SGSM3: variants seen among roughly 807,000 people sequenced by gnomAD.
SGSM3 encodes the protein small G protein signaling modulator 3.
In SGSM3, 96 loss-of-function variants were observed where a neutral mutation model predicts 100.5. That is an observed-to-expected ratio of 0.96 (90% CI 0.81 to 1.13). The LOEUF (loss-of-function observed/expected upper bound fraction) is 1.13. Among genes scored for constraint, SGSM3 ranks in the 50% most tolerant of loss-of-function variants. SGSM3 has a pLI of 0.00. For synonymous variants in SGSM3, 483 were observed against 422.8 expected (o/e 1.14, Z -1.75); for missense variants, 1,001 against 1,015.8 (o/e 0.99, Z 0.20).
In SGSM3 at chr22:40,408,546, T is replaced by C. The variant is rs570833162; in HGVS notation, c.1783-81T>C. 1.0e-5 allele frequency: 16 copies of C among 1,591,638 alleles called. 1 individual carries two copies. In the South Asian group the frequency reaches 1.7e-4, roughly 17 times the overall value. ...AGGATGGGAAGAGCTGGCAGCGTGG[T>C]GACAGGTGCCCAGTCGGCCCCAAGG... On this transcript the variant is annotated intron_variant, in intron 16 of 21. Transcript: ENST00000248929.
chr22:40,390,005 T>C (rs1222801862), intron 1 of SGSM3, among the ~76,000 whole-genome samples: 4 of 151,434 alleles, frequency 2.6e-5, no homozygotes, highest in African/African-American at 9.7e-5. Context: ...CAGCACACAC[T>C]GAGGACACTA....
intron 1 of SGSM3, among the ~76,000 whole-genome samples, chr22:40,396,078 C>G (rs1210616624): frequency 6.6e-6 from 1 of 152,096 alleles, no homozygotes; most frequent in Non-Finnish European, 1.5e-5. Flanking sequence ...TTTTCCTTTT[C>G]TAAAAAATGT....
At position 40,406,484 on chromosome 22, in the gene SGSM3, C is replaced by A; in HGVS notation, c.1007C>A (p.Thr336Lys). 1 of 1,607,972 alleles carries A rather than the reference C, an allele frequency of 6.2e-7. No homozygotes were observed. Among genetic ancestry groups the A allele is most frequent in the Middle Eastern group, 1.8e-4 (1 of 5,564 alleles). The change falls in exon 10 of 22, where the codon ACG (threonine) becomes AAG (lysine). Residue 336 changes from threonine to lysine, a missense_variant. Thr to Lys is a moderately conservative substitution (Grantham distance 78). Transcript: ENST00000248929. ...GAGAACTCGGCCTCCATCTTCAACACGCTATCGGATATCCCGTCGCAGATG... is the reference window on the plus strand; with the variant it reads ...GAGAACTCGGCCTCCATCTTCAACAAGCTATCGGATATCCCGTCGCAGATG... ...QSENSASIFN[T>K]LSDIPSQMED...
chr22:40,383,965 A>G (rs1247833381), intron 1 of SGSM3, among the ~76,000 whole-genome samples: 2 of 152,224 alleles, frequency 1.3e-5, no homozygotes, highest in Admixed American at 6.5e-5. Flanking sequence ...AGCAGGAGCC[A>G]AGGCCAGGCA....
chr22:40,406,161 C>T lies in SGSM3; in HGVS notation c.898C>T (p.Leu300=). ...CAAGCTGCTCCTGCGCATCTGGGAC[C>T]TGTTTTTCTACGAGGGCTCCCGGGT... The part of the protein sequence containing the change: ...DIKLLLRIWD[L]FFYEGSRVLF... The change falls in exon 9 of 22, where the codon CTG becomes TTG. Residue 300 remains leucine, a synonymous_variant. Transcript: ENST00000248929. The T allele has an allele frequency of 6.2e-7, 1 of 1,614,166 alleles. No homozygotes were observed. Among genetic ancestry groups the T allele is most frequent in the Non-Finnish European group, 8.5e-7 (1 of 1,180,042 alleles).
At chr22:40,380,960 C>G (rs1184491949) in intron 1 of SGSM3, among the ~76,000 whole-genome samples, 1 of 152,060 alleles carries the variant, frequency 6.6e-6, no homozygotes, top group Non-Finnish European at 1.5e-5. Flanking sequence ...ATTAAAAATA[C>G]AAGTTGCTGC....
At chr22:40,389,861 G>A (rs143369919) in intron 1 of SGSM3, among the ~76,000 whole-genome samples, 3,252 of 145,722 alleles carry the variant, frequency 0.022, 119 homozygotes, top group African/African-American at 0.079. Flanking sequence ...CCAGGATCGC[G>A]CCATTGCACT....
At chr22:40,405,567 T>C (rs1015110798) in intron 7 of SGSM3, 82 bp from the exon 8 acceptor site, 11 of 1,299,986 alleles carry the variant, frequency 8.5e-6, no homozygotes, top group Non-Finnish European at 1.2e-5. Flanking sequence ...CTTTTGCTAA[T>C]TGGTCTCCCT....
intron 1 of SGSM3, among the ~76,000 whole-genome samples, chr22:40,376,755 CT>C (rs1756108542): frequency 1.3e-5 from 2 of 152,000 alleles, no homozygotes; most frequent in South Asian, 4.2e-4. Context: ...AGAGTTTATG[CT>C]CATAATCTCC....
chr22:40,408,984 G>T lies in SGSM3; in HGVS notation c.1954G>T (p.Val652Leu). 2 of 1,586,296 alleles carry T rather than the reference G, an allele frequency of 1.3e-6. No individual in the cohort carries two copies. The highest frequency in any genetic ancestry group is 1.7e-6 in the Non-Finnish European group (2 of 1,166,000). The part of the protein sequence containing the change: ...THDAVHAQMD[V>L]KLRSLICVGL... ...CGATGCAGTGCATGCACAAATGGAT[G>T]TGAAGCTCCGCTCACTGATCTGCGT... The change falls in exon 19 of 22, where the codon GTG (valine) becomes TTG (leucine). Residue 652 changes from valine (V) to leucine (L), a missense_variant. By Grantham distance (32) the Val-to-Leu change is conservative. Transcript: ENST00000248929.
At chr22:40,391,648 A>T (rs2049372609) in intron 1 of SGSM3, among the ~76,000 whole-genome samples, 1 of 152,044 alleles carries the variant, frequency 6.6e-6, no homozygotes. Flanking sequence ...TGTAATTACA[A>T]GACTCAAAAG....
Position 40,406,209 on chromosome 22 carries a change from A to T in SGSM3, c.946A>T (p.Met316Leu). 1.2e-6 allele frequency: 2 copies of T among 1,614,028 alleles called. No individual in the cohort carries two copies. The highest frequency in any genetic ancestry group is 1.7e-6 in the Non-Finnish European group (2 of 1,180,020). ...SRVLFQLTLG[M>L]LHLKEEELIQ... ...GGTGCTGTTCCAGCTCACGCTGGGC[A>T]TGCTGCACCTCAAGGTGCTCCACGG... Residue 316 changes from methionine (M) to leucine (L), a missense_variant, in exon 9 of 22, where the codon ATG becomes TTG. By Grantham distance (15) the Met-to-Leu change is conservative. Coordinates refer to ENST00000248929, the MANE Select transcript of SGSM3 (RefSeq NM_015705.6).
rs1165668027 is a variant in SGSM3 at position 40,410,086 on chromosome 22, A to AAACT, written c.*328_*331dup. 1 of 1,208,558 alleles carries AAACT rather than the reference A, an allele frequency of 8.3e-7. No homozygotes were observed. Among genetic ancestry groups the AAACT allele is most frequent in the African/African-American group, 1.6e-5 (1 of 61,912 alleles). 74.9% of individuals were successfully genotyped at this position (1,208,558 alleles called of 1,614,324 possible). A position where few individuals can be genotyped will look rare whatever the true frequency, so the allele number is the denominator to read the frequency against. On this transcript the variant is annotated 3_prime_UTR_variant, in exon 22 of 22. Transcript: ENST00000248929. ...CTCCTGGCCTCTTTGGTTTATAAAT[A>AAACT]AACTGTGTCTGTCTTTGAGAAAGCA... is the stretch of plus-strand genomic sequence containing the variant.
At chr22:40,399,785 C>T (rs1194566455) in intron 1 of SGSM3, among the ~76,000 whole-genome samples, 1 of 152,180 alleles carries the variant, frequency 6.6e-6, no homozygotes, top group Non-Finnish European at 1.5e-5. Flanking sequence ...CAGGTTCTGC[C>T]ATCTGGTTCT....
chr22:40,373,806 A>G (rs1031398321), intron 1 of SGSM3, among the ~76,000 whole-genome samples: 5 of 151,742 alleles, frequency 3.3e-5, no homozygotes, highest in Non-Finnish European at 5.9e-5. Context: ...AGTAGAGACG[A>G]GGTTTCACCA....
rs542288539 is a variant in SGSM3, at chr22:40,372,187, C to T, written c.-112+1499C>T. On this transcript the variant is annotated intron_variant, in intron 1 of 21. Transcript: ENST00000248929. ...TGTTGCCCAGGCTGGAGTGCAGTGG[C>T]GCGATCTCGGCTCACTGCAAGCTCT... Among the ~76,000 whole-genome samples, 209 of 121,920 alleles carry T rather than the reference C, an allele frequency of 1.7e-3. 2 individuals carry two copies. Among genetic ancestry groups the T allele is most frequent in the Non-Finnish European group, 2.0e-3 (123 of 62,128 alleles). The allele number at this position is 121,920 out of a possible 152,430, so 80.0% of individuals were successfully genotyped here.
intron 1 of SGSM3, among the ~76,000 whole-genome samples, chr22:40,396,483 CCT>C (rs1226857894): frequency 1.3e-5 from 2 of 151,414 alleles, no homozygotes; most frequent in Non-Finnish European, 2.9e-5. Flanking sequence ...ATCCCAGCTA[CCT>C]GGGAGGCTGA....
chr22:40,386,517 A>G (rs1266381525), intron 1 of SGSM3, among the ~76,000 whole-genome samples: 1 of 136,830 alleles, frequency 7.3e-6, no homozygotes, highest in Non-Finnish European at 1.5e-5. Context: ...TGGTCTGGCT[A>G]TGCTGCTTTA....
chr22:40,398,559 G>A (rs1186356966), intron 1 of SGSM3, among the ~76,000 whole-genome samples: 1 of 141,288 alleles, frequency 7.1e-6, no homozygotes, highest in African/African-American at 2.6e-5. Flanking sequence ...CTGCCTCTGG[G>A]GCCGATGGTG....
Sources: gnomAD v4.1 joint callset for allele counts (sites outside exome capture counted in the v4.1 genomes callset) on GRCh38, gnomAD v4.1.1 for gene constraint, MANE v1.5 for transcripts, NCBI Gene and HGNC (gene_info 2026-07-23, HGNC 2026-07-21) for gene names.